Variants in ARHGAP24 observed in about 807,000 individuals in gnomAD.
ARHGAP24 encodes rho GTPase-activating protein 24.
In ARHGAP24, 50 loss-of-function variants were observed where a neutral mutation model predicts 76.4. The observed-to-expected ratio is 0.65, with a 90% confidence interval of 0.52 to 0.83. The LOEUF is 0.83. Ranked by LOEUF, ARHGAP24 falls within the 40% of genes least tolerant of loss-of-function variation. ARHGAP24 has a pLI of 0.00. For synonymous variants in ARHGAP24, 345 were observed against 323.3 expected (o/e 1.07, Z -0.72); for missense variants, 930 against 914.2 (o/e 1.02, Z -0.22).
chr4:85,598,214 A>T (rs1483498671), intron 2 of ARHGAP24, among the ~76,000 whole-genome samples: 1 of 152,090 alleles, frequency 6.6e-6, no homozygotes, highest in Admixed American at 6.6e-5. Flanking sequence ...TTTTAAAAGA[A>T]GTAAAATTTT....
intron 1 of ARHGAP24, among the ~76,000 whole-genome samples, chr4:85,523,439 T>C (rs1289991843): frequency 6.6e-6 from 1 of 152,172 alleles, no homozygotes; most frequent in Non-Finnish European, 1.5e-5. Context: ...ATTTTAGATA[T>C]GATTTGATCA....
intron 3 of ARHGAP24, among the ~76,000 whole-genome samples, chr4:85,863,730 G>A (rs1450355994): frequency 6.6e-6 from 1 of 152,104 alleles, no homozygotes; most frequent in Admixed American, 6.6e-5. Flanking sequence ...CAAACTGAAT[G>A]TGTGCAGTGA....
intron 6 of ARHGAP24, among the ~76,000 whole-genome samples, chr4:85,974,623 T>C (rs1210356141): frequency 1.3e-5 from 2 of 152,224 alleles, no homozygotes; most frequent in African/African-American, 4.8e-5. Context: ...TTTCAGTCAA[T>C]TGTGAGCATA....
At chr4:85,830,994 G>C (rs1220857684) in intron 3 of ARHGAP24, among the ~76,000 whole-genome samples, 1 of 152,158 alleles carries the variant, frequency 6.6e-6, no homozygotes, top group Admixed American at 6.5e-5. Context: ...CTGGTTGCTG[G>C]AATATGACTG....
chr4:85,743,392 CAAAAAAAAAAAAAAAAAAAAAAAA>C (rs774717006), intron 3 of ARHGAP24, among the ~76,000 whole-genome samples: 1,681 of 43,384 alleles, frequency 0.039, 48 homozygotes, highest in African/African-American at 0.13. Context: ...GATCCCATCT[CAAAAAAAAAAAAAAAAAAAAAAAA>C]AAAAAAAAAA....
At chr4:85,705,060 T>C (rs1246536232) in intron 2 of ARHGAP24, among the ~76,000 whole-genome samples, 1 of 152,118 alleles carries the variant, frequency 6.6e-6, no homozygotes, top group African/African-American at 2.4e-5. Flanking sequence ...TCAGTTAATG[T>C]GAGACCAAAT....
chr4:85,529,155 TG>T (rs1363494570), intron 1 of ARHGAP24, among the ~76,000 whole-genome samples: 1 of 152,008 alleles, frequency 6.6e-6, no homozygotes, highest in Non-Finnish European at 1.5e-5. Flanking sequence ...CTAATTTTTT[TG>T]TTGTCATCAA....
chr4:85,898,051 AT>A (rs1220341341), intron 3 of ARHGAP24, among the ~76,000 whole-genome samples: 13 of 145,432 alleles, frequency 8.9e-5, no homozygotes, highest in South Asian at 4.3e-4. Flanking sequence ...ATATATATAT[AT>A]ATATATAATT....
chr4:85,674,437 A>G (rs1722907763), intron 2 of ARHGAP24, among the ~76,000 whole-genome samples: 1 of 152,238 alleles, frequency 6.6e-6, no homozygotes, highest in Non-Finnish European at 1.5e-5. Context: ...CCCCAGAATA[A>G]TACAAAATCT....
chr4:85,615,258 A>G (rs983947417), intron 2 of ARHGAP24, among the ~76,000 whole-genome samples: 1 of 151,948 alleles, frequency 6.6e-6, no homozygotes, highest in African/African-American at 2.4e-5. Context: ...TTTCTACCCT[A>G]CTTTTCTTTC....
At chr4:85,733,059 A>ATTTTTTTTTTTT in intron 3 of ARHGAP24, among the ~76,000 whole-genome samples, 1 of 35,772 alleles carries the variant, frequency 2.8e-5, no homozygotes, top group African/African-American at 7.0e-5. Context: ...GGCCTCACCA[A>ATTTTTTTTTTTT]CTTTTTTTTT....
intron 3 of ARHGAP24, among the ~76,000 whole-genome samples, chr4:85,738,930 A>G (rs548899144): frequency 6.6e-6 from 1 of 152,310 alleles, no homozygotes; most frequent in South Asian, 2.1e-4. Flanking sequence ...AAAAAGTCTC[A>G]TTCTTTAATT....
intron 4 of ARHGAP24, among the ~76,000 whole-genome samples, chr4:85,940,616 G>C (rs917970234): frequency 3.9e-5 from 6 of 152,102 alleles, no homozygotes; most frequent in African/African-American, 1.4e-4. Flanking sequence ...AATAATGTTT[G>C]ATACACCATT....
chr4:85,952,187 C>T (rs953837272), intron 5 of ARHGAP24, among the ~76,000 whole-genome samples: 6 of 152,132 alleles, frequency 3.9e-5, no homozygotes, highest in South Asian at 2.1e-4. Flanking sequence ...TAAAATATAT[C>T]GGAACCATAC....
chr4:85,821,667 G>A lies in ARHGAP24; in HGVS notation c.268+99695G>A, dbSNP rs182151899. The stretch of plus-strand genomic sequence containing the variant: ...CTTAAAATGATGGGGTTACAGGTAT[G>A]AGTCACCATGCCCAGCCTATTATTT... On this transcript the variant is annotated intron_variant, in intron 3 of 9. Transcript: ENST00000395184. Among the ~76,000 whole-genome samples the A allele has an allele frequency of 2.4e-4, 37 of 152,312 alleles. No homozygotes were observed. The East Asian group carries it at 2.5e-3, about 10-fold the overall frequency.
intron 3 of ARHGAP24, among the ~76,000 whole-genome samples, chr4:85,840,002 A>C (rs999799479): frequency 6.9e-6 from 1 of 145,332 alleles, no homozygotes; most frequent in African/African-American, 2.5e-5. Flanking sequence ...GGCCTGTGCC[A>C]CCATGCCTGG....
At chr4:85,506,029 G>C (rs755252674) in intron 1 of ARHGAP24, among the ~76,000 whole-genome samples, 3 of 152,104 alleles carry the variant, frequency 2.0e-5, no homozygotes, top group Non-Finnish European at 4.4e-5. Flanking sequence ...TCCAGACCCT[G>C]TTTGCCTGGG....
chr4:85,841,805 C>A (rs924829603), intron 3 of ARHGAP24, among the ~76,000 whole-genome samples: 1 of 152,156 alleles, frequency 6.6e-6, no homozygotes, highest in African/African-American at 2.4e-5. Context: ...CAGGATGCTC[C>A]TTGGTGGTCT....
chr4:85,958,577 G>A (rs1343799662), intron 5 of ARHGAP24, among the ~76,000 whole-genome samples: 2 of 152,124 alleles, frequency 1.3e-5, no homozygotes, highest in Non-Finnish European at 2.9e-5. Flanking sequence ...TTTATATTAT[G>A]AAAGTGTGTT....
Sources: allele counts gnomAD v4.1 joint callset (sites outside exome capture counted in the v4.1 genomes callset), GRCh38; gene constraint gnomAD v4.1.1; transcripts MANE v1.5; gene names NCBI Gene and HGNC (gene_info 2026-07-23, HGNC 2026-07-21).